The following CAMKK1 variants were observed in gnomAD, a reference collection of about 807,000 sequenced individuals.
CAMKK1 encodes calcium/calmodulin-dependent protein kinase kinase 1.
In CAMKK1, 20 loss-of-function variants were observed where a neutral mutation model predicts 63.5. The observed-to-expected ratio is 0.32, with a 90% CI of 0.22 to 0.46. CAMKK1 has a LOEUF of 0.46. Among genes scored for constraint, CAMKK1 ranks in the 20% least tolerant of loss-of-function variants. The probability of loss-of-function intolerance (pLI) is 1.00; values close to 1 mark genes in which losing one functional copy is unlikely to be tolerated. For synonymous variants in CAMKK1, 253 were observed against 269.0 expected, an observed-to-expected ratio of 0.94 and a Z score of 0.58; for missense variants, 588 against 658.1, an observed-to-expected ratio of 0.89 and a Z score of 1.17.
At chr17:3,877,619 G>A (rs1048216258) in intron 9 of CAMKK1, among the ~76,000 whole-genome samples, 15 of 152,314 alleles carry the variant, frequency 9.8e-5, no homozygotes, top group Non-Finnish European at 1.5e-5. Flanking sequence ...GAAGAGGAGA[G>A]GGAGGCTGCG....
rs1211498430 is a variant in CAMKK1, at chr17:3,876,131, C to A, written c.996+92G>T. 17 of 1,224,670 alleles carry A rather than the reference C, an allele frequency of 1.4e-5. No individual in the cohort carries two copies. In the East Asian group the frequency reaches 4.3e-4, roughly 31 times the overall value. The allele number at this position is 1,224,670 out of a possible 1,614,324, so 75.9% of individuals were successfully genotyped here. On this transcript the variant is annotated intron_variant, in intron 10 of 15. Coordinates refer to ENST00000348335, the MANE Select transcript of CAMKK1 (RefSeq NM_032294.3). Reference sequence around the variant, plus strand: ...ATATGTCACTCCCTAGACACAAAGACCCTGGCACCCTCAGGTTAGAAACTG... The same window carrying A: ...ATATGTCACTCCCTAGACACAAAGAACCTGGCACCCTCAGGTTAGAAACTG...
intron 15 of CAMKK1, among the ~76,000 whole-genome samples, chr17:3,864,949 G>A (rs1453688883): frequency 6.6e-6 from 1 of 152,170 alleles, no homozygotes; most frequent in African/African-American, 2.4e-5. Flanking sequence ...CAAGGCACCC[G>A]GACAGCGCCT....
rs1387861323 is a variant in CAMKK1, at chr17:3,892,218, C to G, written c.-44+721G>C. ...GACTTGAGCACACCCCCTCCCCTGA[C>G]AGGCACACGCCCGTGTCCGCGTGAC... On this transcript the variant is annotated intron_variant, in intron 1 of 15. Transcript: ENST00000348335. This position sits in a 1 kb window ranked among gnomAD's most constrained non-coding sequence, Gnocchi z 7.5. Among the ~76,000 whole-genome samples the G allele has an allele frequency of 6.6e-6, 1 of 152,090 alleles. No homozygotes were observed. The highest frequency in any genetic ancestry group is 1.5e-5 in the Non-Finnish European group (1 of 68,004).
rs910846025 is a variant in CAMKK1, at chr17:3,890,926, C to T, written c.-44+2013G>A. Among the ~76,000 whole-genome samples, 1 of 152,194 alleles carries T rather than the reference C, an allele frequency of 6.6e-6. No individual in the cohort carries two copies. Among genetic ancestry groups the T allele is most frequent in the African/African-American group, 2.4e-5 (1 of 41,446 alleles). ...ATTCTACCCACTGCTTCGTTTCCCA[C>T]TATGTGGGTCTTCCCTGACTCCAGG... On this transcript the variant is annotated intron_variant, in intron 1 of 15. Coordinates refer to ENST00000348335, the MANE Select transcript of CAMKK1 (RefSeq NM_032294.3). This position sits in a 1 kb window ranked among gnomAD's most constrained non-coding sequence, Gnocchi z 6.5.
At position 3,876,346 on chromosome 17, in the gene CAMKK1, G is replaced by A. The variant is rs960048193; in HGVS notation, c.873C>T (p.Ile291=). 11 of 1,614,082 alleles carry A rather than the reference G, an allele frequency of 6.8e-6. No homozygotes were observed. Among genetic ancestry groups the A allele is most frequent in the African/African-American group, 2.7e-5 (2 of 74,932 alleles). ...LLLGDDGHVK[I]ADFGVSNQFE... ...ACTGGTTGCTGACGCCAAAGTCGGC[G>A]ATCTTCACGTGCCCATCATCCCCCA... The change falls in exon 10 of 16, where the codon ATC becomes ATT. Residue 291 remains isoleucine (I), a synonymous_variant. Coordinates refer to ENST00000348335, the MANE Select transcript of CAMKK1 (RefSeq NM_032294.3).
rs1206406262 is a variant in CAMKK1 at position 3,876,280 on chromosome 17, G to C, written c.939C>G (p.Thr313=). The C allele has an allele frequency of 1.2e-6, 2 of 1,614,074 alleles. No homozygotes were observed. Among genetic ancestry groups the C allele is most frequent in the Non-Finnish European group, 1.7e-6 (2 of 1,180,056 alleles). ...NDAQLSSTAG[T]PAFMAPEAIS... Reference sequence around the variant, plus strand: ...TGGCCTCGGGGGCCATGAATGCTGGGGTTCCCGCCGTGCTGGACAGCTGAG... The same window carrying C: ...TGGCCTCGGGGGCCATGAATGCTGGCGTTCCCGCCGTGCTGGACAGCTGAG... Residue 313 remains threonine (T), a synonymous_variant, in exon 10 of 16, where the codon ACC becomes ACG. Coordinates refer to ENST00000348335, the MANE Select transcript of CAMKK1 (RefSeq NM_032294.3).
intron 9 of CAMKK1, among the ~76,000 whole-genome samples, chr17:3,878,560 C>A (rs1256103109): frequency 1.3e-5 from 2 of 152,102 alleles, no homozygotes; most frequent in East Asian, 3.9e-4. Flanking sequence ...GCCTCTAGGC[C>A]CTTGGTAGGG....
In CAMKK1 at chr17:3,876,082, T is replaced by C. The variant is rs533974323; in HGVS notation, c.996+141A>G. ...AGGAGAAGGCCAAAGTTGTGGAGTT[T>C]GTCAGGCTCCAAGGAAGAGGCAAAT... On this transcript the variant is annotated intron_variant, in intron 10 of 15. Transcript: ENST00000348335. The C allele has an allele frequency of 1.4e-5, 11 of 771,982 alleles. No homozygotes were observed. In the South Asian group the frequency reaches 2.0e-4, roughly 14 times the overall value. The allele number at this position is 771,982 out of a possible 1,614,324, so 47.8% of individuals were successfully genotyped here.
chr17:3,889,561 T>C lies in CAMKK1; in HGVS notation c.-44+3378A>G, dbSNP rs148903068. Among the ~76,000 whole-genome samples the C allele has an allele frequency of 4.0e-3, 615 of 152,076 alleles. 1 individual carries two copies. Among genetic ancestry groups the C allele is most frequent in the African/African-American group, 0.014 (585 of 41,462 alleles). On this transcript the variant is annotated intron_variant, in intron 1 of 15. Coordinates refer to ENST00000348335, the MANE Select transcript of CAMKK1 (RefSeq NM_032294.3). This position sits in a 1 kb window ranked among gnomAD's most constrained non-coding sequence, Gnocchi z 5.2. Reference sequence around the variant, plus strand: ...ACTGTCCTGCCAACTCCCAGGGCGATGGAAGGAACAGAATGAGGTGTGGAC... The same window carrying C: ...ACTGTCCTGCCAACTCCCAGGGCGACGGAAGGAACAGAATGAGGTGTGGAC...
chr17:3,885,208 A>C, intron 2 of CAMKK1, 120 bp downstream of exon 2: 1 of 1,190,068 alleles, frequency 8.4e-7, no homozygotes, highest in East Asian at 2.6e-5. Context: ...TGATCTCCCC[A>C]GCTCTGAGGG....
In CAMKK1 at chr17:3,862,313, C is replaced by A; in HGVS notation, c.1446-30G>T. Reference sequence around the variant, plus strand: ...TCAGGGGACACCAGGGACAGAGGGACCTCAGGGTCAGAATATGCACTCAGG... The same window carrying A: ...TCAGGGGACACCAGGGACAGAGGGAACTCAGGGTCAGAATATGCACTCAGG... On this transcript the variant is annotated intron_variant, in intron 15 of 15. Coordinates refer to ENST00000348335, the MANE Select transcript of CAMKK1 (RefSeq NM_032294.3). The surrounding 1 kb of genome is among the most constrained non-coding windows in gnomAD (Gnocchi z 4.1). 1 of 1,535,536 alleles carries A rather than the reference C, an allele frequency of 6.5e-7. No homozygotes were observed. Among genetic ancestry groups the A allele is most frequent in the East Asian group, 2.4e-5 (1 of 41,600 alleles).
chr17:3,883,949 C>T lies in CAMKK1; in HGVS notation c.409-12G>A. 6.2e-7 allele frequency: 1 copy of T among 1,613,296 alleles called. No individual in the cohort carries two copies. The highest frequency in any genetic ancestry group is 8.5e-7 in the Non-Finnish European group (1 of 1,179,906). ...ACACCGTAGGCACCCTGCAGATAGG[C>T]ATCAGTCAGCCCCACCTGGACAGGG... On this transcript the variant is annotated splice_polypyrimidine_tract_variant and intron_variant, in intron 3 of 15. Transcript: ENST00000348335. The surrounding 1 kb of genome is among the most constrained non-coding windows in gnomAD (Gnocchi z 4.7).
At chr17:3,868,633 G>T (rs574580610) in intron 14 of CAMKK1, among the ~76,000 whole-genome samples, 1 of 152,096 alleles carries the variant, frequency 6.6e-6, no homozygotes, top group African/African-American at 2.4e-5. Flanking sequence ...GACTGCTGCC[G>T]CTGAGCAAGG....
At chr17:3,865,724 A>G in intron 15 of CAMKK1, 184 bp downstream of exon 15, 2 of 1,423,986 alleles carry the variant, frequency 1.4e-6, no homozygotes, top group South Asian at 3.0e-5. Context: ...GCTGGGCCCA[A>G]AAGGTCCCTT....
rs1385801112 is a variant in CAMKK1, at chr17:3,883,303, C to A, written c.514+126G>T. 2 of 1,465,688 alleles carry A rather than the reference C, an allele frequency of 1.4e-6. No individual in the cohort carries two copies. Among genetic ancestry groups the A allele is most frequent in the African/African-American group, 1.4e-5 (1 of 71,832 alleles). 90.8% of individuals were successfully genotyped at this position (1,465,688 alleles called of 1,614,324 possible). ...TCCCAACCCACAGGGCACATTCTGT[C>A]CCCAGGCCTCTGCTCACGCTGTCTC... On this transcript the variant is annotated intron_variant, in intron 5 of 15. Transcript: ENST00000348335. The surrounding 1 kb of genome is among the most constrained non-coding windows in gnomAD (Gnocchi z 4.7).
rs1376000737 is a variant in CAMKK1 at position 3,889,740 on chromosome 17, G to A, written c.-44+3199C>T. On this transcript the variant is annotated intron_variant, in intron 1 of 15. Coordinates refer to ENST00000348335, the MANE Select transcript of CAMKK1 (RefSeq NM_032294.3). This position sits in a 1 kb window ranked among gnomAD's most constrained non-coding sequence, Gnocchi z 5.2. ...TCCCCCACCCAGGTTTTTCCTCCCA[G>A]GCTGTGCCCCACCCCCCAAGCGTCT... Among the ~76,000 whole-genome samples the A allele has an allele frequency of 1.3e-5, 2 of 151,864 alleles. No individual in the cohort carries two copies. Among genetic ancestry groups the A allele is most frequent in the African/African-American group, 4.8e-5 (2 of 41,322 alleles).
At chr17:3,865,664 T>A (rs2054490316) in intron 15 of CAMKK1, 1 of 1,375,800 alleles carries the variant, frequency 7.3e-7, no homozygotes, top group African/African-American at 1.5e-5. Context: ...GAGCTCCTCA[T>A]CCCTGGAAGT....
At chr17:3,864,155 TG>T (rs2054423688) in intron 15 of CAMKK1, among the ~76,000 whole-genome samples, 1 of 151,124 alleles carries the variant, frequency 6.6e-6, no homozygotes, top group Non-Finnish European at 1.5e-5. Context: ...CTTGCTATGT[TG>T]CCCAGGCTGG....
At chr17:3,877,527 CA>C (rs1272861338) in intron 9 of CAMKK1, among the ~76,000 whole-genome samples, 1 of 152,080 alleles carries the variant, frequency 6.6e-6, no homozygotes, top group African/African-American at 2.4e-5. Flanking sequence ...CCCTCCTTGG[CA>C]AGTACCTTCA....
Sources: gnomAD v4.1 joint callset for allele counts (sites outside exome capture counted in the v4.1 genomes callset) on GRCh38, gnomAD v4.1.1 for gene constraint, Gnocchi (gnomAD v3.1) non-coding constraint, MANE v1.5 for transcripts, NCBI Gene and HGNC (gene_info 2026-07-23, HGNC 2026-07-21) for gene names.